ZNF345: variants seen among roughly 807,000 people sequenced by gnomAD.
ZNF345 encodes zinc finger protein 345, also known as zinc finger protein HZF10.
For synonymous variants in ZNF345, 166 were observed against 187.9 expected, an observed-to-expected ratio of 0.88 and a Z score of 0.95; for missense variants, 527 against 589.9, an observed-to-expected ratio of 0.89 and a Z score of 1.10.
chr19:36,874,571 G>A (rs911671721), intron 2 of ZNF345, among the ~76,000 whole-genome samples: 3 of 151,218 alleles, frequency 2.0e-5, no homozygotes, highest in Admixed American at 6.6e-5. Flanking sequence ...GGCTGAGGTC[G>A]GGAGTTCAAG....
At chr19:36,876,688 A>G in intron 2 of ZNF345, 97 bp from the exon 3 acceptor site, 1 of 815,006 alleles carries the variant, frequency 1.2e-6, no homozygotes, top group Admixed American at 3.1e-5. Flanking sequence ...ATTTTTATGA[A>G]AATTAAATTG....
At chr19:36,869,548 G>A (rs780235300) in intron 2 of ZNF345, among the ~76,000 whole-genome samples, 1 of 152,092 alleles carries the variant, frequency 6.6e-6, no homozygotes, top group African/African-American at 2.4e-5. Context: ...TATTTTTGAT[G>A]ACTGCCCCAA....
downstream of ZNF345, among the ~76,000 whole-genome samples, chr19:36,881,326 T>TTC (rs2072966866): frequency 6.6e-6 from 1 of 152,190 alleles, no homozygotes; most frequent in South Asian, 2.1e-4. Flanking sequence ...TCCCAAGCAT[T>TTC]TTGAGGGATA....
At chr19:36,892,154 C>A (rs1272814047) in intron 3 of ZNF345, 1 of 1,614,074 alleles carries the variant, frequency 6.2e-7, no homozygotes, top group Non-Finnish European at 8.5e-7. Context: ...TCCTTACATT[C>A]ATAGGGTTTT....
At chr19:36,880,361 A>G (rs1248258592), downstream of ZNF345, among the ~76,000 whole-genome samples, 1 of 152,142 alleles carries the variant, frequency 6.6e-6, no homozygotes, top group African/African-American at 2.4e-5. Flanking sequence ...TACAGAAAAA[A>G]TAATAAGATT....
intron 2 of ZNF345, among the ~76,000 whole-genome samples, chr19:36,870,157 A>G (rs1007099704): frequency 4.6e-5 from 7 of 152,204 alleles, no homozygotes; most frequent in South Asian, 4.1e-4. Context: ...AATGTTTTGT[A>G]AATATCATCA....
chr19:36,883,358 T>C (rs886198125), downstream of ZNF345, among the ~76,000 whole-genome samples: 1 of 152,196 alleles, frequency 6.6e-6, no homozygotes. Flanking sequence ...TCCCTAAAGA[T>C]TGAAGTTTTC....
intron 3 of ZNF345, chr19:36,888,529 C>T (rs1030367163): frequency 1.3e-5 from 2 of 152,138 alleles, no homozygotes; most frequent in African/African-American, 4.8e-5. Flanking sequence ...ATAATGCCCC[C>T]ACCTTTTAAA....
chr19:36,867,546 T>C (rs1360301613), intron 2 of ZNF345, among the ~76,000 whole-genome samples: 1 of 152,244 alleles, frequency 6.6e-6, no homozygotes, highest in African/African-American at 2.4e-5. Context: ...TTCTTTTCTT[T>C]CATTGCTTGT....
intron 3 of ZNF345, chr19:36,889,513 A>C (rs1408962753): frequency 1.3e-5 from 2 of 152,070 alleles, no homozygotes; most frequent in African/African-American, 4.8e-5. Context: ...TCCCTGGTTC[A>C]ATCTTGGAAG....
chr19:36,852,483 C>T (rs531876213), intron 2 of ZNF345, among the ~76,000 whole-genome samples: 39 of 151,976 alleles, frequency 2.6e-4, no homozygotes, highest in Middle Eastern at 3.4e-3. Context: ...TGGTGGCACG[C>T]GCCTGTAGTC....
chr19:36,888,537 A>G (rs2073019558), intron 3 of ZNF345: 1 of 152,146 alleles, frequency 6.6e-6, no homozygotes. Flanking sequence ...CCCACCTTTT[A>G]AAAAAGCATT....
At position 36,887,123 on chromosome 19, in the gene ZNF345, G is replaced by A. The variant is rs147759575; in HGVS notation, c.47-5695G>A. On this transcript the variant is annotated intron_variant, in intron 3 of 3. Transcript: ENST00000526123. ...GCAGAGATTGCAGTGAGCTGAGACC[G>A]CACCATTGCACTCCAGCCTGAGCAA... Among the ~76,000 whole-genome samples, 1,183 of 151,716 alleles carry A rather than the reference G, an allele frequency of 7.8e-3. 17 individuals carry two copies. The highest frequency in any genetic ancestry group is 0.027 in the African/African-American group (1,121 of 41,292).
At position 36,877,257 on chromosome 19, in the gene ZNF345, G is replaced by A; in HGVS notation, c.427G>A (p.Glu143Lys). ...LTHHQRIHTG[E>K]KPYECKECGK... ...TCACCATCAGAGAATTCATACTGGT[G>A]AGAAACCCTATGAGTGTAAGGAATG... Residue 143 changes from glutamate to lysine, a missense_variant, in exon 3 of 3, where the codon GAG (glutamate) becomes AAG (lysine). Physicochemically the swap from Glu to Lys is moderately conservative, Grantham distance 56. Coordinates refer to ENST00000420450, the MANE Select transcript of ZNF345 (RefSeq NM_001242472.2). 6.2e-7 allele frequency: 1 copy of A among 1,614,126 alleles called. No individual in the cohort carries two copies. Among genetic ancestry groups the A allele is most frequent in the Non-Finnish European group, 8.5e-7 (1 of 1,180,002 alleles).
At position 36,850,880 on chromosome 19, in the gene ZNF345, T is replaced by C. The variant is rs1191240999; in HGVS notation, c.-210T>C. On this transcript the variant is annotated 5_prime_UTR_variant, in exon 1 of 3. Coordinates refer to ENST00000420450, the MANE Select transcript of ZNF345 (RefSeq NM_001242472.2). ...GAGTGGGCGGGATCTTCCCGCGGATTTGGGCAAGCGGCCTTGGGGCTTTGT... is the reference window on the plus strand; with the variant it reads ...GAGTGGGCGGGATCTTCCCGCGGATCTGGGCAAGCGGCCTTGGGGCTTTGT... The C allele has an allele frequency of 6.6e-6, 1 of 151,980 alleles. No individual in the cohort carries two copies. The highest frequency in any genetic ancestry group is 1.5e-5 in the Non-Finnish European group (1 of 67,846). 9.4% of individuals were successfully genotyped at this position (151,980 alleles called of 1,614,324 possible). A position where few individuals can be genotyped will look rare whatever the true frequency, so the allele number is the denominator to read the frequency against.
chr19:36,853,922 C>G (rs986461426), intron 2 of ZNF345, among the ~76,000 whole-genome samples: 4 of 152,110 alleles, frequency 2.6e-5, no homozygotes, highest in Non-Finnish European at 5.9e-5. Flanking sequence ...TGGTTCCACC[C>G]AAACATCTCT....
intron 2 of ZNF345, among the ~76,000 whole-genome samples, chr19:36,866,406 C>A (rs1308167649): frequency 6.6e-6 from 1 of 152,150 alleles, no homozygotes; most frequent in Non-Finnish European, 1.5e-5. Flanking sequence ...TGAAGTGTAA[C>A]TATTAAGTAG....
At chr19:36,867,462 T>C (rs1470635765) in intron 2 of ZNF345, among the ~76,000 whole-genome samples, 1 of 152,212 alleles carries the variant, frequency 6.6e-6, no homozygotes, top group African/African-American at 2.4e-5. Flanking sequence ...TAAACCTTTT[T>C]CATCTGCCTC....
At chr19:36,874,145 C>G (rs931782724) in intron 2 of ZNF345, among the ~76,000 whole-genome samples, 1 of 152,148 alleles carries the variant, frequency 6.6e-6, no homozygotes, top group Non-Finnish European at 1.5e-5. Flanking sequence ...GCTTTCCTTA[C>G]TTTTAGTTAA....
Sources: gnomAD v4.1 joint callset for allele counts (sites outside exome capture counted in the v4.1 genomes callset) on GRCh38, gnomAD v4.1.1 for gene constraint, MANE v1.5 for transcripts, NCBI Gene and HGNC (gene_info 2026-07-23, HGNC 2026-07-21) for gene names.